MRPL44: variants seen among roughly 807,000 people sequenced by gnomAD.
MRPL44 encodes large ribosomal subunit protein mL44.
A neutral mutation model predicts 25.9 loss-of-function variants in MRPL44; 21 were observed. The ratio of observed to expected loss-of-function variants is 0.81; its 90% CI spans 0.58 to 1.17. The LOEUF (loss-of-function observed/expected upper bound fraction) is 1.17, where lower values mean the gene tolerates loss of function less well. MRPL44 is among the 50% of genes most tolerant of loss of function. MRPL44 has a pLI of 0.00. For missense variants in MRPL44, 410 were observed against 398.9 expected, an observed-to-expected ratio of 1.03 and a Z score of -0.24; for synonymous variants, 169 against 151.0, an observed-to-expected ratio of 1.12 and a Z score of -0.87.
chr2:223,966,826 C>G (rs747992077), intron 3 of MRPL44, 37 bp from the exon 4 acceptor site: 10 of 1,579,360 alleles, frequency 6.3e-6, no homozygotes, highest in Admixed American at 1.8e-5. Flanking sequence ...TTACAATATT[C>G]CATGTAATTT....
At chr2:223,952,765 A>C (rs1249169445), upstream of MRPL44, among the ~76,000 whole-genome samples, 1 of 152,142 alleles carries the variant, frequency 6.6e-6, no homozygotes, top group Non-Finnish European at 1.5e-5. Flanking sequence ...TAAAGCAGAC[A>C]CCAGCTGTTT....
intron 1 of MRPL44, 60 bp downstream of exon 1, chr2:223,957,711 C>T: frequency 6.6e-7 from 1 of 1,525,814 alleles, no homozygotes; most frequent in Non-Finnish European, 8.8e-7. Context: ...GGTCTTCTTC[C>T]CGCGGCGTCG....
chr2:223,952,661 C>T (rs1044269405), upstream of MRPL44, among the ~76,000 whole-genome samples: 1 of 152,170 alleles, frequency 6.6e-6, no homozygotes, highest in African/African-American at 2.4e-5. Context: ...GTGAACCTAA[C>T]TTGATATGTA....
rs1489145617 is a variant in MRPL44 at position 223,967,421 on chromosome 2, TG to T, written c.*391del. On this transcript the variant is annotated 3_prime_UTR_variant, in exon 4 of 4. Transcript: ENST00000258383. ...CTAATTTTTGTATTTTTGGTAGACA[TG>T]GGGTTTCACCAAGTTGGCTAGGCTA... is the stretch of plus-strand genomic sequence containing the variant. 6.3e-6 allele frequency: 1 copy of T among 158,716 alleles called. No individual in the cohort carries two copies. Among genetic ancestry groups the T allele is most frequent in the African/African-American group, 2.4e-5 (1 of 41,524 alleles). The allele number at this position is 158,716 out of a possible 1,614,324, so 9.8% of individuals were successfully genotyped here. A position where few individuals can be genotyped will look rare whatever the true frequency, so the allele number is the denominator to read the frequency against.
intron 2 of MRPL44, among the ~76,000 whole-genome samples, chr2:223,963,480 T>C (rs934822526): frequency 2.0e-5 from 3 of 152,150 alleles, no homozygotes; most frequent in African/African-American, 7.2e-5. Flanking sequence ...TTCTACCTTC[T>C]GTGGAATTTT....
chr2:223,957,460 T>G, upstream of MRPL44: 1 of 1,614,146 alleles, frequency 6.2e-7, no homozygotes, highest in Non-Finnish European at 8.5e-7. Context: ...CTTCCATCGT[T>G]TTCTCTCGTG....
At chr2:223,956,483 G>A (rs906421621), upstream of MRPL44, among the ~76,000 whole-genome samples, 5 of 152,166 alleles carry the variant, frequency 3.3e-5, no homozygotes, top group African/African-American at 1.2e-4. Flanking sequence ...GAAGGTACCA[G>A]GCCAATTACA....
At position 223,957,713 on chromosome 2, in the gene MRPL44, G is replaced by A. The variant is rs1386360305; in HGVS notation, c.179+62G>A. The A allele has an allele frequency of 1.4e-5, 21 of 1,517,128 alleles. No individual in the cohort carries two copies. In the East Asian group the frequency reaches 4.5e-4, roughly 33 times the overall value. 94.0% of individuals were successfully genotyped at this position (1,517,128 alleles called of 1,614,324 possible). On this transcript the variant is annotated intron_variant, in intron 1 of 3. Coordinates refer to ENST00000258383, the MANE Select transcript of MRPL44 (RefSeq NM_022915.5). ...GTCGCAGACACTGGGTCTTCTTCCC[G>A]CGGCGTCGTGTCTGCGGCTGATGCG...
intron 3 of MRPL44, 100 bp downstream of exon 3, chr2:223,964,034 G>A: frequency 2.2e-6 from 2 of 926,094 alleles, no homozygotes; most frequent in Non-Finnish European, 3.3e-6. Flanking sequence ...CATAAGGAAT[G>A]TTAACATAAC....
chr2:223,962,228 A>G (rs551518137), intron 2 of MRPL44, among the ~76,000 whole-genome samples: 1 of 152,264 alleles, frequency 6.6e-6, no homozygotes, highest in African/African-American at 2.4e-5. Context: ...TGGTCTCATT[A>G]TGGTGTTCAA....
At chr2:223,962,438 CTCCA>C (rs111442003) in intron 2 of MRPL44, among the ~76,000 whole-genome samples, 2,873 of 151,998 alleles carry the variant, frequency 0.019, 59 homozygotes, top group African/African-American at 0.062. Context: ...TTCCCTCTGC[CTCCA>C]TCCATCCATC....
chr2:223,957,791 G>T, intron 1 of MRPL44, 140 bp downstream of exon 1: 1 of 1,017,976 alleles, frequency 9.8e-7, no homozygotes, highest in Non-Finnish European at 1.4e-6. Flanking sequence ...TGAGCTGTGG[G>T]CGCGGGGCCT....
intron 2 of MRPL44, among the ~76,000 whole-genome samples, chr2:223,962,758 G>T (rs1689683593): frequency 6.6e-6 from 1 of 152,086 alleles, no homozygotes; most frequent in Middle Eastern, 3.2e-3. Context: ...GAGTGTAGTG[G>T]TAGCATGATC....
rs1487004575 is a variant in MRPL44 at position 223,959,956 on chromosome 2, C to G, written c.602C>G (p.Ala201Gly). ...CAGACTTTCTTTGCAGTTATTGGAGCCCTGTTACAGAGCAGTGGACCTGAG... is the reference window on the plus strand; with the variant it reads ...CAGACTTTCTTTGCAGTTATTGGAGGCCTGTTACAGAGCAGTGGACCTGAG... Reference protein sequence around the residue: ...LQQTFFAVIGALLQSSGPERT... With the variant: ...LQQTFFAVIGGLLQSSGPERT... Residue 201 changes from alanine to glycine, a missense_variant, in exon 2 of 4, where the codon GCC becomes GGC. Coordinates refer to ENST00000258383, the MANE Select transcript of MRPL44 (RefSeq NM_022915.5). 1 of 1,614,002 alleles carries G rather than the reference C, an allele frequency of 6.2e-7. No individual in the cohort carries two copies. Among genetic ancestry groups the G allele is most frequent in the African/African-American group, 1.3e-5 (1 of 74,924 alleles).
chr2:223,964,107 C>T lies in MRPL44; in HGVS notation c.827+173C>T, dbSNP rs536692689. Among the ~76,000 whole-genome samples, 9 of 152,280 alleles carry T rather than the reference C, an allele frequency of 5.9e-5. No homozygotes were observed. In the East Asian group the frequency reaches 1.7e-3, roughly 29 times the overall value. On this transcript the variant is annotated intron_variant, in intron 3 of 3. Coordinates refer to ENST00000258383, the MANE Select transcript of MRPL44 (RefSeq NM_022915.5). The stretch of plus-strand genomic sequence containing the variant: ...AAAGATTTTTTAAAAATCTCTTCCC[C>T]ATGGTTATTATTTACTACTTCCCTT...
At chr2:223,957,292 C>G (rs1689578901), upstream of MRPL44, 4 of 680,346 alleles carry the variant, frequency 5.9e-6, no homozygotes, top group Non-Finnish European at 1.0e-5. Context: ...CTCAAGGCGG[C>G]CGCAATCACC....
the MRPL44 span, among the ~76,000 whole-genome samples, chr2:223,951,635 C>T: frequency 3.9e-5 from 6 of 151,924 alleles, no homozygotes; most frequent in Admixed American, 1.3e-4. Context: ...CATGCCAGAA[C>T]GCCAGGCTAA....
At chr2:223,952,844 T>C (rs920605323), upstream of MRPL44, among the ~76,000 whole-genome samples, 5 of 152,220 alleles carry the variant, frequency 3.3e-5, no homozygotes, top group African/African-American at 1.2e-4. Flanking sequence ...TCTGACCATG[T>C]GGCAGTCCTG....
At chr2:223,963,400 C>T (rs966480016) in intron 2 of MRPL44, among the ~76,000 whole-genome samples, 9 of 151,906 alleles carry the variant, frequency 5.9e-5, no homozygotes, top group African/African-American at 1.7e-4. Flanking sequence ...CTTGTGATCA[C>T]GCCTCTGCAC....
Sources: gnomAD v4.1 joint callset for allele counts (sites outside exome capture counted in the v4.1 genomes callset) on GRCh38, gnomAD v4.1.1 for gene constraint, MANE v1.5 for transcripts, NCBI Gene and HGNC (gene_info 2026-07-23, HGNC 2026-07-21) for gene names.